DNLZ: variants seen among roughly 807,000 people sequenced by gnomAD.
DNLZ encodes DNL-type zinc finger.
In DNLZ, 15 loss-of-function variants were observed where a neutral mutation model predicts 7.8. The observed-to-expected ratio is 1.91, with a 90% CI of 1.28 to 2.95. The LOEUF (loss-of-function observed/expected upper bound fraction) is 2.95. DNLZ is among the 30% of genes most tolerant of loss of function. The pLI is 0.00. For missense variants in DNLZ, 255 were observed against 167.3 expected, an observed-to-expected ratio of 1.52 and a Z score of -2.89; for synonymous variants, 123 against 77.8, an observed-to-expected ratio of 1.58 and a Z score of -3.05.
Position 136,361,741 on chromosome 9 carries a change from G to C in DNLZ, c.*271C>G, listed in dbSNP as rs1247556385. On this transcript the variant is annotated 3_prime_UTR_variant, in exon 3 of 3. Coordinates refer to ENST00000371738, the MANE Select transcript of DNLZ (RefSeq NM_001080849.3). ...CATCCAGCCCCCTTTCCACGCGACT[G>C]TGGCCTCTGTGGGCAAGAGCTGGGT... is the stretch of plus-strand genomic sequence containing the variant. 3.6e-5 allele frequency: 13 copies of C among 363,294 alleles called. No homozygotes were observed. The highest frequency in any genetic ancestry group is 6.7e-4 in the Middle Eastern group (1 of 1,492). The allele number at this position is 363,294 out of a possible 1,614,324, so 22.5% of individuals were successfully genotyped here. A position where few individuals can be genotyped will look rare whatever the true frequency, so the allele number is the denominator to read the frequency against.
Position 136,362,997 on chromosome 9 carries a change from A to G in DNLZ, c.360T>C (p.Asn120=), listed in dbSNP as rs1833010398. Residue 120 remains asparagine (N), a synonymous_variant, in exon 2 of 3, where the codon AAT becomes AAC. Transcript: ENST00000371738. ...ADNLGWFSDL[N]GKRNIEEILT... Reference sequence around the variant, plus strand: ...TGGGGTACAGGCCTCACCTCTTCCCATTCAGGTCCGAGAACCAGCCCAGGT... The same window carrying G: ...TGGGGTACAGGCCTCACCTCTTCCCGTTCAGGTCCGAGAACCAGCCCAGGT... The G allele has an allele frequency of 2.5e-6, 4 of 1,613,586 alleles. No homozygotes were observed. The highest frequency in any genetic ancestry group is 3.4e-6 in the Non-Finnish European group (4 of 1,179,962).
chr9:136,362,854 T>C (rs1833006113), intron 2 of DNLZ, 135 bp downstream of exon 2: 1 of 715,228 alleles, frequency 1.4e-6, no homozygotes, highest in Non-Finnish European at 2.3e-6. Flanking sequence ...CATTTAACTG[T>C]GTGTCTTGTA....
At chr9:136,362,879 G>A (rs1376995742) in intron 2 of DNLZ, 110 bp downstream of exon 2, 14 of 973,642 alleles carry the variant, frequency 1.4e-5, no homozygotes, top group Non-Finnish European at 1.9e-5. Context: ...TAAGGTGGCT[G>A]GATTTCCCAG....
In DNLZ at chr9:136,362,110, G is replaced by A; in HGVS notation, c.439C>T (p.Leu147=). The change falls in exon 3 of 3, where the codon CTG becomes TTG. Residue 147 remains leucine, a synonymous_variant. Transcript: ENST00000371738. ...HRVAGEGALE[L]VLEAAGAPTS... is the part of the protein sequence containing the mutation. ...GGGGCCCCTGCAGCCTCCAGAACCAGTTCCAGGGCCCCCTCGCCCGCCACA... is the reference window on the plus strand; with the variant it reads ...GGGGCCCCTGCAGCCTCCAGAACCAATTCCAGGGCCCCCTCGCCCGCCACA... 2 of 1,494,784 alleles carry A rather than the reference G, an allele frequency of 1.3e-6. No homozygotes were observed. Among genetic ancestry groups the A allele is most frequent in the South Asian group, 1.3e-5 (1 of 75,934 alleles). The allele number at this position is 1,494,784 out of a possible 1,614,324, so 92.6% of individuals were successfully genotyped here. A position where few individuals can be genotyped will look rare whatever the true frequency, so the allele number is the denominator to read the frequency against.
Position 136,360,806 on chromosome 9 carries a change from C to CT in DNLZ, c.*1205dup, listed in dbSNP as rs1365846347. 6.6e-6 allele frequency: 1 copy of CT among 152,216 alleles called. No individual in the cohort carries two copies. The highest frequency in any genetic ancestry group is 1.5e-5 in the Non-Finnish European group (1 of 68,074). 9.4% of individuals were successfully genotyped at this position (152,216 alleles called of 1,614,324 possible). ...GTTGGCCCAAGCGGCTCTCCTTGCT[C>CT]TAATTCTGCACTTCCAGGTCCAGAC... On this transcript the variant is annotated 3_prime_UTR_variant, in exon 3 of 3. Coordinates refer to ENST00000371738, the MANE Select transcript of DNLZ (RefSeq NM_001080849.3).
intron 2 of DNLZ, 108 bp from the exon 3 acceptor site, chr9:136,362,288 A>T (rs1832994288): frequency 9.8e-7 from 1 of 1,023,372 alleles, no homozygotes; most frequent in African/African-American, 1.6e-5. Context: ...CACCAGGCCC[A>T]GCACTCCTGT....
In DNLZ at chr9:136,363,627, C is replaced by T. The variant is rs769764339; in HGVS notation, c.88G>A (p.Gly30Arg). Residue 30 changes from glycine (G) to arginine (R), a missense_variant, in exon 1 of 3, where the codon GGG becomes AGG. Coordinates refer to ENST00000371738, the MANE Select transcript of DNLZ (RefSeq NM_001080849.3). ...CTCCCCGCGACCTCTGGACGGGCCC[C>T]GCGGCCCCACAGCCGCCTCAGGCAG... ...APCLRRLWGR[G>R]ARPEVAGRRR... The T allele has an allele frequency of 4.3e-6, 2 of 463,734 alleles. 1 individual carries two copies. Among genetic ancestry groups the T allele is most frequent in the South Asian group, 7.0e-5 (2 of 28,504 alleles). The allele number at this position is 463,734 out of a possible 1,614,324, so 28.7% of individuals were successfully genotyped here. A position where few individuals can be genotyped will look rare whatever the true frequency, so the allele number is the denominator to read the frequency against.
chr9:136,362,897 C>A, intron 2 of DNLZ, 92 bp downstream of exon 2: 1 of 1,218,998 alleles, frequency 8.2e-7, no homozygotes, highest in Non-Finnish European at 1.2e-6. Context: ...CAGGTGAGAT[C>A]TATAAACCTC....
Position 136,361,957 on chromosome 9 carries a change from G to A in DNLZ, c.*55C>T. 1 of 1,236,230 alleles carries A rather than the reference G, an allele frequency of 8.1e-7. No homozygotes were observed. The highest frequency in any genetic ancestry group is 1.0e-6 in the Non-Finnish European group (1 of 977,578). The allele number at this position is 1,236,230 out of a possible 1,614,324, so 76.6% of individuals were successfully genotyped here. On this transcript the variant is annotated 3_prime_UTR_variant, in exon 3 of 3. Coordinates refer to ENST00000371738, the MANE Select transcript of DNLZ (RefSeq NM_001080849.3). ...ACAGGCCACGTCCAGAGAGGCCCAG[G>A]GCCAAAACCTCCTTCTGGAAGGCCG... is the stretch of plus-strand genomic sequence containing the variant.
In DNLZ at chr9:136,360,975, G is replaced by A. The variant is rs964791327; in HGVS notation, c.*1037C>T. Reference sequence around the variant, plus strand: ...TGGAGGAGCAGGCCTGGGTGCCGGTGGCTCAGCCGAGAAGAGGACAGTTTC... The same window carrying A: ...TGGAGGAGCAGGCCTGGGTGCCGGTAGCTCAGCCGAGAAGAGGACAGTTTC... On this transcript the variant is annotated 3_prime_UTR_variant, in exon 3 of 3. Transcript: ENST00000371738. 1.3e-5 allele frequency: 2 copies of A among 152,280 alleles called. No individual in the cohort carries two copies. The highest frequency in any genetic ancestry group is 2.4e-5 in the African/African-American group (1 of 41,460). The allele number at this position is 152,280 out of a possible 1,614,324, so 9.4% of individuals were successfully genotyped here. A position where few individuals can be genotyped will look rare whatever the true frequency, so the allele number is the denominator to read the frequency against.
In DNLZ at chr9:136,362,982, G is replaced by A. The variant is rs767189038; in HGVS notation, c.368+7C>T. 1 of 1,613,548 alleles carries A rather than the reference G, an allele frequency of 6.2e-7. No homozygotes were observed. Among genetic ancestry groups the A allele is most frequent in the East Asian group, 2.2e-5 (1 of 44,878 alleles). On this transcript the variant is annotated splice_region_variant and intron_variant, in intron 2 of 2. Coordinates refer to ENST00000371738, the MANE Select transcript of DNLZ (RefSeq NM_001080849.3). The stretch of plus-strand genomic sequence containing the variant: ...CTTCTGGCCCAGCCCTGGGGTACAG[G>A]CCTCACCTCTTCCCATTCAGGTCCG...
At position 136,362,099 on chromosome 9, in the gene DNLZ, C is replaced by T. The variant is rs777329853; in HGVS notation, c.450G>A (p.Glu150=). The change falls in exon 3 of 3, where the codon GAG becomes GAA. Residue 150 remains glutamate (E), a synonymous_variant. Transcript: ENST00000371738. The stretch of plus-strand genomic sequence containing the variant: ...CAGTGGATGTGGGGGCCCCTGCAGC[C>T]TCCAGAACCAGTTCCAGGGCCCCCT... ...AGEGALELVL[E]AAGAPTSTAA... is the part of the protein sequence containing the mutation. 6.7e-7 allele frequency: 1 copy of T among 1,487,176 alleles called. No homozygotes were observed. The highest frequency in any genetic ancestry group is 1.3e-5 in the South Asian group (1 of 75,200). 92.1% of individuals were successfully genotyped at this position (1,487,176 alleles called of 1,614,324 possible). A position where few individuals can be genotyped will look rare whatever the true frequency, so the allele number is the denominator to read the frequency against.
chr9:136,362,656 C>A (rs763692261), intron 2 of DNLZ, among the ~76,000 whole-genome samples: 16 of 152,236 alleles, frequency 1.1e-4, no homozygotes, highest in Non-Finnish European at 1.6e-4. Flanking sequence ...TGTGGGCCAG[C>A]CACCCCAAGA....
At chr9:136,362,237 A>G in intron 2 of DNLZ, 57 bp from the exon 3 acceptor site, 1 of 1,406,330 alleles carries the variant, frequency 7.1e-7, no homozygotes, top group Non-Finnish European at 9.4e-7. Flanking sequence ...CCTGCACTTC[A>G]GTCCCCTCAG....
chr9:136,361,988 C>T lies in DNLZ; in HGVS notation c.*24G>A. ...AACCTCCTTCTGGAAGGCCGAAGTCCCACAGTGCCGGGGAGCGCAGGAGTC... is the reference window on the plus strand; with the variant it reads ...AACCTCCTTCTGGAAGGCCGAAGTCTCACAGTGCCGGGGAGCGCAGGAGTC... On this transcript the variant is annotated 3_prime_UTR_variant, in exon 3 of 3. Transcript: ENST00000371738. 4 of 1,274,402 alleles carry T rather than the reference C, an allele frequency of 3.1e-6. No individual in the cohort carries two copies. The highest frequency in any genetic ancestry group is 4.0e-6 in the Non-Finnish European group (4 of 1,002,712). 78.9% of individuals were successfully genotyped at this position (1,274,402 alleles called of 1,614,324 possible). A position where few individuals can be genotyped will look rare whatever the true frequency, so the allele number is the denominator to read the frequency against.
At chr9:136,363,339 T>C in intron 1 of DNLZ, 148 bp downstream of exon 1, 1 of 671,076 alleles carries the variant, frequency 1.5e-6, no homozygotes, top group Non-Finnish European at 2.7e-6. Context: ...CCGCCTCCGC[T>C]CCCTCCCAGA....
rs1447505090 is a variant in DNLZ at position 136,361,617 on chromosome 9, A to G, written c.*395T>C. 5.8e-6 allele frequency: 1 copy of G among 172,634 alleles called. No homozygotes were observed. The highest frequency in any genetic ancestry group is 1.2e-5 in the Non-Finnish European group (1 of 82,034). 10.7% of individuals were successfully genotyped at this position (172,634 alleles called of 1,614,324 possible). On this transcript the variant is annotated 3_prime_UTR_variant, in exon 3 of 3. Coordinates refer to ENST00000371738, the MANE Select transcript of DNLZ (RefSeq NM_001080849.3). ...GGAAGGGAGGCCGCCAGAGCTGGCC[A>G]GGGGGGCGGCAAGGGCCTTGCAGAG... is the stretch of plus-strand genomic sequence containing the variant.
rs767709019 is a variant in DNLZ at position 136,363,139 on chromosome 9, C to T, written c.229-11G>A. Reference sequence around the variant, plus strand: ...CCTAGTCCCGCAGACCTGGCTGGGACAGGGTAGCTGGTGAGGCTGTGAGGG... The same window carrying T: ...CCTAGTCCCGCAGACCTGGCTGGGATAGGGTAGCTGGTGAGGCTGTGAGGG... On this transcript the variant is annotated splice_polypyrimidine_tract_variant and intron_variant, in intron 1 of 2. Coordinates refer to ENST00000371738, the MANE Select transcript of DNLZ (RefSeq NM_001080849.3). 6.2e-7 allele frequency: 1 copy of T among 1,612,718 alleles called. No individual in the cohort carries two copies. The highest frequency in any genetic ancestry group is 2.2e-5 in the East Asian group (1 of 44,874).
chr9:136,363,242 C>CT, intron 1 of DNLZ, 114 bp from the exon 2 acceptor site: 1 of 1,280,400 alleles, frequency 7.8e-7, no homozygotes, highest in Non-Finnish European at 1.1e-6. Context: ...GAAGGCCCCG[C>CT]CCCCGAGGGA....
Sources: allele counts gnomAD v4.1 joint callset (sites outside exome capture counted in the v4.1 genomes callset), GRCh38; gene constraint gnomAD v4.1.1; transcripts MANE v1.5; gene names NCBI Gene and HGNC (gene_info 2026-07-23, HGNC 2026-07-21).